UMAD1: variants seen among roughly 807,000 people sequenced by gnomAD.
The protein encoded by UMAD1 is UBAP1-MVB12-associated (UMA) domain containing 1, also known as UBAP1-MVB12-associated (UMA)-domain containing protein 1.
In UMAD1, 8 loss-of-function variants were observed where a neutral mutation model predicts 6.1. The observed-to-expected ratio is 1.30, with a 90% CI of 0.76 to 2.35. The LOEUF is 2.35. Ranked by LOEUF, UMAD1 falls within the 30% of genes most tolerant of loss-of-function variation. UMAD1 has a pLI of 0.00. For missense variants in UMAD1, 130 were observed against 78.4 expected (o/e 1.66, Z -2.49); for synonymous variants, 56 against 31.4 (o/e 1.78, Z -2.61).
chr7:7,791,986 G>A (rs981908008), intron 2 of UMAD1, among the ~76,000 whole-genome samples: 6 of 152,166 alleles, frequency 3.9e-5, no homozygotes, highest in Admixed American at 6.5e-5. Flanking sequence ...TTTAGCAATC[G>A]TTTGTAATTC....
chr7:7,784,809 T>G (rs1782428393), intron 2 of UMAD1, among the ~76,000 whole-genome samples: 1 of 132,514 alleles, frequency 7.5e-6, no homozygotes, highest in South Asian at 2.4e-4. Flanking sequence ...TCGCCCAGGC[T>G]GGAGTGCAGT....
chr7:7,821,138 C>A (rs1563233678), intron 3 of UMAD1, among the ~76,000 whole-genome samples: 1 of 152,086 alleles, frequency 6.6e-6, no homozygotes, highest in Non-Finnish European at 1.5e-5. Flanking sequence ...ATCTGACTCG[C>A]AGGAAAACAT....
intron 2 of UMAD1, among the ~76,000 whole-genome samples, chr7:7,710,287 C>T (rs1780722084): frequency 2.6e-5 from 4 of 152,130 alleles, no homozygotes; most frequent in Admixed American, 2.0e-4. Flanking sequence ...ATCTGTGTCT[C>T]ACACTTTATG....
chr7:7,683,626 C>T (rs1779965068), intron 2 of UMAD1, among the ~76,000 whole-genome samples: 2 of 150,016 alleles, frequency 1.3e-5, no homozygotes, highest in East Asian at 2.0e-4. Context: ...TTTTCTTTTC[C>T]TTTTCTTTTT....
At chr7:7,734,687 C>G (rs955608916) in intron 2 of UMAD1, among the ~76,000 whole-genome samples, 2 of 152,286 alleles carry the variant, frequency 1.3e-5, no homozygotes, top group African/African-American at 4.8e-5. Flanking sequence ...TGCCTATCCT[C>G]AAAGGCTTTT....
At chr7:7,840,427 G>A (rs971944733) in intron 3 of UMAD1, among the ~76,000 whole-genome samples, 4 of 151,770 alleles carry the variant, frequency 2.6e-5, no homozygotes, top group Admixed American at 1.3e-4. Context: ...GTGGTTTCTC[G>A]GGAATTTATA....
intron 2 of UMAD1, among the ~76,000 whole-genome samples, chr7:7,739,647 C>G (rs1781424566): frequency 6.6e-6 from 1 of 152,122 alleles, no homozygotes; most frequent in Non-Finnish European, 1.5e-5. Context: ...TTTAGAAAAT[C>G]TGGATATTTA....
chr7:7,652,269 T>G (rs897289679), intron 1 of UMAD1, among the ~76,000 whole-genome samples: 1 of 152,230 alleles, frequency 6.6e-6, no homozygotes, highest in Non-Finnish European at 1.5e-5. Context: ...AGCAGTATAC[T>G]CTTGGTCGAT....
chr7:7,773,075 A>T (rs1306239543), intron 2 of UMAD1, among the ~76,000 whole-genome samples: 5 of 152,238 alleles, frequency 3.3e-5, no homozygotes, highest in Non-Finnish European at 1.5e-5. Context: ...TTTTTGTAAC[A>T]AGTGCAAACT....
intron 2 of UMAD1, among the ~76,000 whole-genome samples, chr7:7,745,399 G>A (rs1182266469): frequency 1.3e-5 from 2 of 152,124 alleles, no homozygotes; most frequent in Non-Finnish European, 2.9e-5. Context: ...GGGAAACTCT[G>A]AACTCCTTAC....
intron 2 of UMAD1, among the ~76,000 whole-genome samples, chr7:7,699,788 T>A (rs1451070576): frequency 6.6e-6 from 1 of 152,222 alleles, no homozygotes; most frequent in Non-Finnish European, 1.5e-5. Context: ...ATATTAAGTT[T>A]TTAGTAAATA....
At chr7:7,799,578 C>T (rs1245610755) in intron 2 of UMAD1, among the ~76,000 whole-genome samples, 2 of 152,140 alleles carry the variant, frequency 1.3e-5, no homozygotes, top group Non-Finnish European at 2.9e-5. Context: ...AATATTTCTT[C>T]GAGTAAAGGA....
chr7:7,698,820 C>A (rs981139658), intron 2 of UMAD1, among the ~76,000 whole-genome samples: 1 of 151,852 alleles, frequency 6.6e-6, no homozygotes, highest in African/African-American at 2.4e-5. Context: ...AAAAACCAGA[C>A]CATGACATTT....
intron 2 of UMAD1, among the ~76,000 whole-genome samples, chr7:7,779,600 GT>G (rs1232818995): frequency 6.6e-6 from 1 of 151,834 alleles, no homozygotes; most frequent in Non-Finnish European, 1.5e-5. Context: ...GCCCAGCCCC[GT>G]TTTTTTCCTC....
intron 3 of UMAD1, among the ~76,000 whole-genome samples, chr7:7,806,318 C>G (rs1782912575): frequency 6.6e-6 from 1 of 151,414 alleles, no homozygotes; most frequent in Non-Finnish European, 1.5e-5. Context: ...GAACCCTGTT[C>G]TAATGTCACT....
At chr7:7,785,670 C>A (rs1046569766) in intron 2 of UMAD1, among the ~76,000 whole-genome samples, 1 of 152,146 alleles carries the variant, frequency 6.6e-6, no homozygotes, top group Admixed American at 6.5e-5. Flanking sequence ...GTAGCCTAAA[C>A]TTGAGTAGAG....
At chr7:7,838,400 C>T (rs1783611322) in intron 3 of UMAD1, among the ~76,000 whole-genome samples, 1 of 152,090 alleles carries the variant, frequency 6.6e-6, no homozygotes, top group Admixed American at 6.6e-5. Flanking sequence ...AGACATTCTT[C>T]TCAAGGATGC....
At chr7:7,845,491 T>C (rs1401838222) in intron 3 of UMAD1, among the ~76,000 whole-genome samples, 2 of 152,118 alleles carry the variant, frequency 1.3e-5, no homozygotes, top group Non-Finnish European at 2.9e-5. Context: ...AAATTTCTTT[T>C]AAATGTTAAG....
At chr7:7,867,978 A>T (rs1784263865) in intron 3 of UMAD1, among the ~76,000 whole-genome samples, 1 of 149,566 alleles carries the variant, frequency 6.7e-6, no homozygotes, top group Non-Finnish European at 1.5e-5. Flanking sequence ...GGAGATCCTC[A>T]CTCGGTGGTT....
Sources: allele counts gnomAD v4.1 joint callset (sites outside exome capture counted in the v4.1 genomes callset), GRCh38; gene constraint gnomAD v4.1.1; transcripts MANE v1.5; gene names NCBI Gene and HGNC (gene_info 2026-07-23, HGNC 2026-07-21).